Variants in RNGTT observed in about 807,000 individuals in gnomAD.
RNGTT encodes RNA guanylyltransferase and 5'-phosphatase.
Under a neutral mutation model 79.3 loss-of-function variants are expected in RNGTT, and 33 were observed. That is an observed-to-expected ratio of 0.42 (90% confidence interval 0.32 to 0.56). The LOEUF is 0.56. RNGTT is among the 20% of genes least tolerant of loss of function. The pLI is 0.17. For missense variants in RNGTT, 497 were observed against 739.1 expected, an observed-to-expected ratio of 0.67 and a Z score of 3.80; for synonymous variants, 222 against 235.9, an observed-to-expected ratio of 0.94 and a Z score of 0.54.
At chr6:88,929,302 T>C (rs752049734) in intron 2 of RNGTT, 35 bp from the exon 3 acceptor site, 1 of 1,323,164 alleles carries the variant, frequency 7.6e-7, no homozygotes, top group African/African-American at 1.5e-5. Flanking sequence ...GCAAATTTAC[T>C]AGTAACTTAA....
In RNGTT at chr6:88,817,748, C is replaced by CT. The variant is rs1227582021; in HGVS notation, c.1270-16117_1270-16116insA. 1.1e-3 allele frequency among the ~76,000 whole-genome samples: 108 copies of CT among 99,982 alleles called. 1 individual carries two copies. Among genetic ancestry groups the CT allele is most frequent in the African/African-American group, 2.8e-3 (83 of 29,594 alleles). 65.6% of individuals were successfully genotyped at this position (99,982 alleles called of 152,430 possible). Reference sequence around the variant, plus strand: ...CTTCACCATCCAAGTCTATTCACATCATTTTTTTTTTTTTTTTTTTTTTTT... The same window carrying CT: ...CTTCACCATCCAAGTCTATTCACATCTATTTTTTTTTTTTTTTTTTTTTTTT... On this transcript the variant is annotated intron_variant, in intron 11 of 15. Coordinates refer to ENST00000369485, the MANE Select transcript of RNGTT (RefSeq NM_003800.5).
chr6:88,711,471 T>A (rs560099685), intron 13 of RNGTT, among the ~76,000 whole-genome samples: 1 of 152,328 alleles, frequency 6.6e-6, no homozygotes, highest in South Asian at 2.1e-4. Flanking sequence ...CTAATCTTGG[T>A]GTAGTACTTT....
intron 4 of RNGTT, among the ~76,000 whole-genome samples, chr6:88,918,569 C>T (rs547636440): frequency 6.6e-5 from 10 of 151,252 alleles, no homozygotes; most frequent in African/African-American, 1.9e-4. Context: ...ATAATAGAAA[C>T]GATATAAGTG....
chr6:88,916,403 G>A (rs946923968), intron 4 of RNGTT, among the ~76,000 whole-genome samples: 1 of 152,202 alleles, frequency 6.6e-6, no homozygotes, highest in Non-Finnish European at 1.5e-5. Flanking sequence ...AGTCCAGGAG[G>A]TGGAGGGGGC....
At chr6:88,755,959 CAAAAAAAAAA>C (rs1157096180) in intron 13 of RNGTT, among the ~76,000 whole-genome samples, 3 of 30,500 alleles carry the variant, frequency 9.8e-5, no homozygotes, top group African/African-American at 2.1e-4. Context: ...GACTCCGTCT[CAAAAAAAAAA>C]AAAAAAAAAA....
intron 12 of RNGTT, among the ~76,000 whole-genome samples, chr6:88,800,670 G>A (rs1201491351): frequency 6.6e-6 from 1 of 152,158 alleles, no homozygotes; most frequent in Non-Finnish European, 1.5e-5. Context: ...TCCATCCCCA[G>A]AGTTTCTACT....
At chr6:88,807,060 G>C (rs968720678) in intron 11 of RNGTT, among the ~76,000 whole-genome samples, 5 of 152,118 alleles carry the variant, frequency 3.3e-5, no homozygotes, top group East Asian at 1.9e-4. Flanking sequence ...ATGGACACAT[G>C]GGGGTGAACA....
chr6:88,625,396 A>G (rs1772589456), intron 14 of RNGTT, among the ~76,000 whole-genome samples: 1 of 152,048 alleles, frequency 6.6e-6, no homozygotes, highest in Non-Finnish European at 1.5e-5. Context: ...ACTCAGGAAT[A>G]AGAACTATTA....
intron 7 of RNGTT, 89 bp from the exon 8 acceptor site, chr6:88,890,685 T>A (rs1176512995): frequency 1.3e-6 from 1 of 752,372 alleles, no homozygotes; most frequent in East Asian, 2.8e-5. Flanking sequence ...ATCACACATT[T>A]ATCACAATGT....
At chr6:88,677,761 G>A (rs1774929841) in intron 14 of RNGTT, among the ~76,000 whole-genome samples, 1 of 152,066 alleles carries the variant, frequency 6.6e-6, no homozygotes. Flanking sequence ...GCAGGCATGA[G>A]CCACCGTACC....
At chr6:88,789,987 G>GTA (rs1205473428) in intron 12 of RNGTT, among the ~76,000 whole-genome samples, 3 of 152,146 alleles carry the variant, frequency 2.0e-5, no homozygotes, top group Non-Finnish European at 4.4e-5. Context: ...GACTAAACAT[G>GTA]TATTTATGCC....
rs1771979881 is a variant in RNGTT at position 88,610,397 on chromosome 6, C to T, written c.*2322G>A. 6.6e-6 allele frequency: 1 copy of T among 152,618 alleles called. No individual in the cohort carries two copies. The highest frequency in any genetic ancestry group is 1.5e-5 in the Non-Finnish European group (1 of 68,040). The allele number at this position is 152,618 out of a possible 1,614,324, so 9.5% of individuals were successfully genotyped here. A position where few individuals can be genotyped will look rare whatever the true frequency, so the allele number is the denominator to read the frequency against. On this transcript the variant is annotated 3_prime_UTR_variant, in exon 16 of 16. Coordinates refer to ENST00000369485, the MANE Select transcript of RNGTT (RefSeq NM_003800.5). Reference sequence around the variant, plus strand: ...ATCCACGCAGTAGAGTCATCCACACCTTTTCCTAACAAAAAGCAAAAGCTT... The same window carrying T: ...ATCCACGCAGTAGAGTCATCCACACTTTTTCCTAACAAAAAGCAAAAGCTT...
chr6:88,855,806 G>A (rs1781826261), intron 8 of RNGTT, among the ~76,000 whole-genome samples: 3 of 152,168 alleles, frequency 2.0e-5, no homozygotes, highest in Admixed American at 2.0e-4. Context: ...AAGACCCTCT[G>A]GCACATGCTT....
chr6:88,634,916 G>T (rs1047799422), intron 14 of RNGTT, among the ~76,000 whole-genome samples: 1 of 152,000 alleles, frequency 6.6e-6, no homozygotes, highest in Non-Finnish European at 1.5e-5. Flanking sequence ...ATTATTAATA[G>T]TTCTTTCTTT....
At chr6:88,740,197 G>A (rs1777436806) in intron 13 of RNGTT, among the ~76,000 whole-genome samples, 1 of 151,986 alleles carries the variant, frequency 6.6e-6, no homozygotes, top group East Asian at 1.9e-4. Flanking sequence ...GCTCAGAAAG[G>A]GAACAGCAGA....
intron 8 of RNGTT, among the ~76,000 whole-genome samples, chr6:88,873,504 G>T (rs926152439): frequency 5.9e-5 from 9 of 151,982 alleles, no homozygotes; most frequent in Admixed American, 1.3e-4. Context: ...CCTGGTACTT[G>T]GCACATAACA....
intron 7 of RNGTT, 41 bp from the exon 8 acceptor site, chr6:88,890,637 A>G: frequency 7.8e-7 from 1 of 1,286,204 alleles, no homozygotes; most frequent in Non-Finnish European, 1.1e-6. Context: ...GCTGGTATCC[A>G]TACAAAGCAA....
At chr6:88,629,638 T>C (rs1562157958) in intron 14 of RNGTT, among the ~76,000 whole-genome samples, 1 of 152,184 alleles carries the variant, frequency 6.6e-6, no homozygotes, top group East Asian at 1.9e-4. Context: ...AAGAAAAAAG[T>C]TGTACATTTT....
rs184232216 is a variant in RNGTT at position 88,900,175 on chromosome 6, C to T, written c.684+4540G>A. 1.5e-3 allele frequency among the ~76,000 whole-genome samples: 222 copies of T among 145,290 alleles called. 1 individual carries two copies. The Middle Eastern group carries it at 0.018, about 12-fold the overall frequency. On this transcript the variant is annotated intron_variant, in intron 6 of 15. Transcript: ENST00000369485. ...TAATTGACTAGATATCAAAAGGACA[C>T]GAGAAAAAAAACTTAAAAAAAGATC...
Sources: allele counts gnomAD v4.1 joint callset (sites outside exome capture counted in the v4.1 genomes callset), GRCh38; gene constraint gnomAD v4.1.1; transcripts MANE v1.5; gene names NCBI Gene and HGNC (gene_info 2026-07-23, HGNC 2026-07-21).